TRAK1: variants seen among roughly 807,000 people sequenced by gnomAD.
TRAK1 encodes trafficking kinesin protein 1, also known as trafficking kinesin-binding protein 1.
TRAK1 carries 33 observed loss-of-function variants against 92.1 expected under a neutral mutation model. The ratio of observed to expected loss-of-function variants is 0.36; its 90% CI spans 0.27 to 0.48. TRAK1 has a LOEUF of 0.48. TRAK1 is among the 20% of genes least tolerant of loss of function. The pLI, the probability that TRAK1 is intolerant of heterozygous loss-of-function variation, is 0.99. For missense variants in TRAK1, 1,123 were observed against 1,257.9 expected (o/e 0.89, Z 1.62); for synonymous variants, 521 against 517.3 (o/e 1.01, Z -0.10).
At chr3:42,150,578 G>A (rs1053710496) in intron 2 of TRAK1, among the ~76,000 whole-genome samples, 10 of 152,098 alleles carry the variant, frequency 6.6e-5, no homozygotes, top group African/African-American at 2.4e-4. Context: ...AATTGAGTCG[G>A]GAGTTTCAGA....
At chr3:42,192,474 T>C (rs79523018) in intron 7 of TRAK1, among the ~76,000 whole-genome samples, 90,243 of 131,458 alleles carry the variant, frequency 0.69, 32,166 homozygotes, top group East Asian at 0.97. Flanking sequence ...GTCAAAGTAC[T>C]AAGTATTTTG....
intron 3 of TRAK1, among the ~76,000 whole-genome samples, chr3:42,182,198 C>T (rs552648378): frequency 2.0e-5 from 3 of 152,210 alleles, no homozygotes; most frequent in East Asian, 1.9e-4. Context: ...CCCTTTGCCC[C>T]GTGAGAGGGC....
chr3:42,039,705 T>C (rs577698356), intron 1 of TRAK1, among the ~76,000 whole-genome samples: 2 of 152,344 alleles, frequency 1.3e-5, no homozygotes, highest in African/African-American at 4.8e-5. Context: ...GCTGTGAACA[T>C]TGCGTACAGG....
intron 2 of TRAK1, among the ~76,000 whole-genome samples, chr3:42,170,807 C>T (rs1482702255): frequency 6.6e-6 from 1 of 151,488 alleles, no homozygotes; most frequent in Admixed American, 6.6e-5. Context: ...GCAAATATAT[C>T]AGGCAGTCTT....
At chr3:42,029,166 A>G (rs1702023246) in intron 1 of TRAK1, among the ~76,000 whole-genome samples, 1 of 152,190 alleles carries the variant, frequency 6.6e-6, no homozygotes, top group African/African-American at 2.4e-5. Context: ...AACCACCCCC[A>G]TGATCCAATC....
At chr3:42,035,355 C>T (rs929824070) in intron 1 of TRAK1, among the ~76,000 whole-genome samples, 1 of 152,132 alleles carries the variant, frequency 6.6e-6, no homozygotes, top group Admixed American at 6.6e-5. Flanking sequence ...GCCATCACTA[C>T]CCAAATCTTG....
Position 42,092,711 on chromosome 3 carries a change from G to GTTATGTTATGTTATGTTATGATATGTTA in TRAK1, c.91+1152_91+1153insTATGTTATGTTATGTTATGATATGTTAT, listed in dbSNP as rs1705247688. ...GTGTTGTGTTGTGTTGTGTTGTGTT[G>GTTATGTTATGTTATGTTATGATATGTTA]TGTTATGTTATGTTATGTTATGTTA... On this transcript the variant is annotated intron_variant, in intron 1 of 15. Transcript: ENST00000327628. Among the ~76,000 whole-genome samples, 23 of 101,066 alleles carry GTTATGTTATGTTATGTTATGATATGTTA rather than the reference G, an allele frequency of 2.3e-4. 1 individual carries two copies. Among genetic ancestry groups the GTTATGTTATGTTATGTTATGATATGTTA allele is most frequent in the African/African-American group, 7.4e-4 (23 of 30,978 alleles). The allele number at this position is 101,066 out of a possible 152,430, so 66.3% of individuals were successfully genotyped here. A position where few individuals can be genotyped will look rare whatever the true frequency, so the allele number is the denominator to read the frequency against.
rs1233655251 is a variant in TRAK1, at chr3:42,176,892, T to TA, written c.363+4dup. On this transcript the variant is annotated splice_region_variant and intron_variant, in intron 3 of 15. Coordinates refer to ENST00000327628, the MANE Select transcript of TRAK1 (RefSeq NM_001042646.3). ...GCTGTCACTCGGCTTCTTGAGGAGGTAAGTGCTCCAGGGGAAGGCAAAAGA... is the reference window on the plus strand; with the variant it reads ...GCTGTCACTCGGCTTCTTGAGGAGGTAAAGTGCTCCAGGGGAAGGCAAAAGA... The TA allele has an allele frequency of 6.2e-7, 1 of 1,613,820 alleles. No homozygotes were observed. Among genetic ancestry groups the TA allele is most frequent in the East Asian group, 2.2e-5 (1 of 44,884 alleles).
At chr3:42,042,034 C>T (rs917573043) in intron 1 of TRAK1, among the ~76,000 whole-genome samples, 3 of 152,152 alleles carry the variant, frequency 2.0e-5, no homozygotes, top group Non-Finnish European at 4.4e-5. Context: ...TCAGGTGATC[C>T]GCTTGCCTCG....
At chr3:42,047,499 G>A (rs1702802386) in intron 1 of TRAK1, among the ~76,000 whole-genome samples, 1 of 151,882 alleles carries the variant, frequency 6.6e-6, no homozygotes, top group Admixed American at 6.6e-5. Flanking sequence ...CACCACATCT[G>A]GCCATAAAAG....
intron 7 of TRAK1, among the ~76,000 whole-genome samples, chr3:42,191,942 C>T (rs1028376712): frequency 1.9e-4 from 23 of 118,084 alleles, no homozygotes; most frequent in Non-Finnish European, 1.6e-5. Context: ...ACTCTGTCAC[C>T]CAGGCTAGAG....
intron 2 of TRAK1, chr3:42,145,735 G>A: frequency 5.8e-6 from 1 of 172,004 alleles, no homozygotes; most frequent in Non-Finnish European, 1.2e-5. Flanking sequence ...ATCATCTCAA[G>A]ACAATGAATA....
chr3:42,157,152 GA>G (rs778292703), intron 2 of TRAK1, among the ~76,000 whole-genome samples: 1,447 of 139,272 alleles, frequency 0.01, 21 homozygotes, highest in African/African-American at 0.03. Flanking sequence ...ACTCTGTCTG[GA>G]AAAAAAAAAA....
intron 1 of TRAK1, among the ~76,000 whole-genome samples, chr3:42,110,966 C>T (rs1216319646): frequency 2.0e-5 from 3 of 152,200 alleles, no homozygotes; most frequent in Non-Finnish European, 2.9e-5. Context: ...AGTCCAATGA[C>T]AGAGACTGCT....
chr3:42,102,701 G>C (rs1706962206), intron 1 of TRAK1, among the ~76,000 whole-genome samples: 1 of 152,180 alleles, frequency 6.6e-6, no homozygotes, highest in Admixed American at 6.5e-5. Context: ...CTTCCAGTGT[G>C]CATGCGGGCC....
intron 1 of TRAK1, among the ~76,000 whole-genome samples, chr3:42,065,941 C>G (rs1461156461): frequency 6.6e-6 from 1 of 152,188 alleles, no homozygotes; most frequent in Non-Finnish European, 1.5e-5. Context: ...TCTCTTGAAT[C>G]CTAACTCCAT....
intron 1 of TRAK1, among the ~76,000 whole-genome samples, chr3:42,076,051 C>G (rs1704141317): frequency 6.6e-6 from 1 of 151,616 alleles, no homozygotes; most frequent in African/African-American, 2.4e-5. Flanking sequence ...ATGATGTTGG[C>G]TAGGCTGGTC....
chr3:42,194,016 C>CAAA, intron 9 of TRAK1, 118 bp downstream of exon 9: 1 of 972,966 alleles, frequency 1.0e-6, no homozygotes. Context: ...AATTTCATTT[C>CAAA]ATTTTTATTC....
intron 1 of TRAK1, among the ~76,000 whole-genome samples, chr3:42,100,754 T>C (rs1706634346): frequency 6.6e-6 from 1 of 152,198 alleles, no homozygotes; most frequent in South Asian, 2.1e-4. Flanking sequence ...GCAACCTCTG[T>C]CTACTGGGTT....
Sources: allele counts gnomAD v4.1 joint callset (sites outside exome capture counted in the v4.1 genomes callset), GRCh38; gene constraint gnomAD v4.1.1; transcripts MANE v1.5; gene names NCBI Gene and HGNC (gene_info 2026-07-23, HGNC 2026-07-21).